Variants in VPS53 observed in about 807,000 individuals in gnomAD.
VPS53 encodes the protein vacuolar protein sorting-associated protein 53 homolog.
VPS53 carries 70 observed loss-of-function variants against 107.0 expected under a neutral mutation model. The ratio of observed to expected loss-of-function variants is 0.65; its 90% CI spans 0.54 to 0.80. The LOEUF (loss-of-function observed/expected upper bound fraction) is 0.80. VPS53 is among the 30% of genes least tolerant of loss of function. The pLI is 0.00. For missense variants in VPS53, 917 were observed against 1,049.4 expected (o/e 0.87, Z 1.74); for synonymous variants, 409 against 393.3 (o/e 1.04, Z -0.47).
intron 15 of VPS53, among the ~76,000 whole-genome samples, chr17:556,972 C>CT (rs954040050): frequency 9.6e-5 from 7 of 73,168 alleles, no homozygotes; most frequent in African/African-American, 3.4e-4. Context: ...GGACCTGAGG[C>CT]TTGGGGAATG....
At chr17:548,815 A>AC (rs1911539104) in intron 17 of VPS53, among the ~76,000 whole-genome samples, 1 of 152,176 alleles carries the variant, frequency 6.6e-6, no homozygotes, top group South Asian at 2.1e-4. Context: ...AGCTTCCCTA[A>AC]CCTCTCTTTA....
chr17:585,426 G>A (rs764595084), intron 13 of VPS53, among the ~76,000 whole-genome samples: 1 of 152,230 alleles, frequency 6.6e-6, no homozygotes, highest in Non-Finnish European at 1.5e-5. Context: ...GGAGGCTCAA[G>A]TGGGTGGATC....
rs60407745 is a variant in VPS53 at position 627,774 on chromosome 17, T to TCACACA, written c.831+308_831+313dup. Among the ~76,000 whole-genome samples, 23 of 150,540 alleles carry TCACACA rather than the reference T, an allele frequency of 1.5e-4. 1 individual carries two copies. Among genetic ancestry groups the TCACACA allele is most frequent in the East Asian group, 5.9e-4 (3 of 5,114 alleles). On this transcript the variant is annotated intron_variant, in intron 9 of 21. Coordinates refer to ENST00000437048, the MANE Select transcript of VPS53 (RefSeq NM_001128159.3). ...TGGGCAACAAGAGCGAAACTCCGTC[T>TCACACA]CACACACACACACACACACACACAA...
chr17:700,067 G>A (rs937128480), intron 2 of VPS53, among the ~76,000 whole-genome samples: 1 of 151,998 alleles, frequency 6.6e-6, no homozygotes, highest in African/African-American at 2.4e-5. Flanking sequence ...CTTAAGATTT[G>A]TGTACTCCTC....
chr17:563,569 C>T (rs1327479112), intron 13 of VPS53, among the ~76,000 whole-genome samples: 2 of 152,198 alleles, frequency 1.3e-5, no homozygotes, highest in Admixed American at 6.5e-5. Context: ...GCTGGGATTA[C>T]AGGTGTGAGC....
At chr17:644,200 G>C (rs981404968) in intron 7 of VPS53, among the ~76,000 whole-genome samples, 1 of 152,222 alleles carries the variant, frequency 6.6e-6, no homozygotes, top group African/African-American at 2.4e-5. Context: ...TGCCAGAAGG[G>C]TAGTTGGAAG....
At chr17:642,537 G>A (rs1027856453) in intron 7 of VPS53, among the ~76,000 whole-genome samples, 2 of 150,704 alleles carry the variant, frequency 1.3e-5, no homozygotes, top group Admixed American at 1.3e-4. Context: ...GGAAAGCGAG[G>A]ACAACACTCA....
intron 13 of VPS53, among the ~76,000 whole-genome samples, chr17:572,185 T>C (rs376681540): frequency 3.8e-5 from 5 of 131,976 alleles, no homozygotes; most frequent in African/African-American, 1.2e-4. Flanking sequence ...GGGAGCGCCT[T>C]TGCCCCGCCG....
chr17:653,041 C>T (rs1005804006), intron 7 of VPS53, among the ~76,000 whole-genome samples: 2 of 152,258 alleles, frequency 1.3e-5, no homozygotes, highest in Admixed American at 1.3e-4. Context: ...TGACAGTTTA[C>T]CTTTTGGAAA....
intron 2 of VPS53, among the ~76,000 whole-genome samples, chr17:701,196 T>C (rs1001054864): frequency 1.3e-4 from 19 of 151,886 alleles, no homozygotes; most frequent in Admixed American, 1.2e-3. Flanking sequence ...CATGGTGGCA[T>C]GTGCTTGCAG....
intron 5 of VPS53, chr17:656,699 A>AGTGTGTGTGTGTGTGT: frequency 2.0e-6 from 1 of 495,666 alleles, no homozygotes; most frequent in African/African-American, 3.7e-5. Context: ...CTGACTAAGA[A>AGTGTGTGTGTGTGTGT]ATGTGTGTGT....
chr17:636,853 A>G (rs1312381538), intron 7 of VPS53, among the ~76,000 whole-genome samples: 2 of 152,218 alleles, frequency 1.3e-5, no homozygotes, highest in Non-Finnish European at 2.9e-5. Flanking sequence ...GCCAATGTTC[A>G]TCAGGGATAT....
At chr17:565,925 C>T (rs910637188) in intron 13 of VPS53, among the ~76,000 whole-genome samples, 30 of 152,238 alleles carry the variant, frequency 2.0e-4, no homozygotes, top group African/African-American at 6.0e-4. Context: ...AATAACCGGC[C>T]GGGCGCGGTG....
At chr17:639,274 A>G (rs1222539206) in intron 7 of VPS53, among the ~76,000 whole-genome samples, 1 of 152,148 alleles carries the variant, frequency 6.6e-6, no homozygotes, top group African/African-American at 2.4e-5. Context: ...CCATTAGGTC[A>G]TTTAAGGACT....
rs556747324 is a variant in VPS53, at chr17:521,680, G to A, written c.2144C>T (p.Ser715Leu). ...GGCGGGTGCCTTCCTCACCACCTGC[G>A]AGCTGATGGAGGGGAGATCGAGCAG... The part of the protein sequence containing the change: ...MVLLDLPSIS[S>L]QVVRKAPASY... Residue 715 changes from serine to leucine, a missense_variant, in exon 20 of 22, where the codon TCG becomes TTG. Coordinates refer to ENST00000437048, the MANE Select transcript of VPS53 (RefSeq NM_001128159.3). 2.2e-5 allele frequency: 34 copies of A among 1,550,590 alleles called. No homozygotes were observed. The East Asian group carries it at 2.9e-4, about 13-fold the overall frequency.
intron 5 of VPS53, chr17:656,709 T>C: frequency 1.7e-6 from 1 of 595,666 alleles, no homozygotes. Context: ...AATGTGTGTG[T>C]GTGTGTGTGT....
At chr17:692,412 T>C (rs1972807908) in intron 4 of VPS53, among the ~76,000 whole-genome samples, 1 of 152,206 alleles carries the variant, frequency 6.6e-6, no homozygotes, top group South Asian at 2.1e-4. Context: ...AAGAGCATCA[T>C]CGTCTGGTTA....
Position 620,678 on chromosome 17 carries a change from A to ATTTT in VPS53, c.1116+2851_1116+2854dup, listed in dbSNP as rs67264596. 2.3e-3 allele frequency among the ~76,000 whole-genome samples: 319 copies of ATTTT among 140,234 alleles called. 1 individual carries two copies. Among genetic ancestry groups the ATTTT allele is most frequent in the African/African-American group, 8.0e-3 (304 of 37,896 alleles). The allele number at this position is 140,234 out of a possible 152,430, so 92.0% of individuals were successfully genotyped here. Reference sequence around the variant, plus strand: ...ATGGGTGTTTCAGATTCTACATTCTATTTTTTTTTTTTTTTTGAGATGGAG... The same window carrying ATTTT: ...ATGGGTGTTTCAGATTCTACATTCTATTTTTTTTTTTTTTTTTTTTGAGATGGAG... On this transcript the variant is annotated intron_variant, in intron 11 of 21. Coordinates refer to ENST00000437048, the MANE Select transcript of VPS53 (RefSeq NM_001128159.3).
intron 5 of VPS53, among the ~76,000 whole-genome samples, chr17:660,412 CT>C (rs1222727211): frequency 6.6e-6 from 1 of 152,218 alleles, no homozygotes; most frequent in East Asian, 1.9e-4. Flanking sequence ...CAGCACAGCA[CT>C]GTCCAGGAAA....
Sources: allele counts gnomAD v4.1 joint callset (sites outside exome capture counted in the v4.1 genomes callset), GRCh38; gene constraint gnomAD v4.1.1; transcripts MANE v1.5; gene names NCBI Gene and HGNC (gene_info 2026-07-23, HGNC 2026-07-21).